COMMD10: variants seen among roughly 807,000 people sequenced by gnomAD.
COMMD10 encodes the protein COMM domain containing 10.
In COMMD10, 33 loss-of-function variants were observed where a neutral mutation model predicts 28.9. The ratio of observed to expected loss-of-function variants is 1.14; its 90% confidence interval spans 0.87 to 1.53. COMMD10 has a LOEUF of 1.53. Among genes scored for constraint, COMMD10 ranks in the 40% most tolerant of loss-of-function variants. The pLI, the probability that COMMD10 is intolerant of heterozygous loss-of-function variation, is 0.00. For synonymous variants in COMMD10, 110 were observed against 81.7 expected (o/e 1.35, Z -1.87); for missense variants, 310 against 233.4 (o/e 1.33, Z -2.14).
At chr5:116,094,539 G>A (rs915150070) in intron 4 of COMMD10, among the ~76,000 whole-genome samples, 2 of 152,112 alleles carry the variant, frequency 1.3e-5, no homozygotes, top group African/African-American at 4.8e-5. Context: ...GTGAGGATGT[G>A]GAGAAAAGGG....
At chr5:116,131,750 C>T (rs1224105093) in intron 4 of COMMD10, among the ~76,000 whole-genome samples, 1 of 151,744 alleles carries the variant, frequency 6.6e-6, no homozygotes. Context: ...ATACACTGAT[C>T]TAAATGTTAA....
intron 5 of COMMD10, among the ~76,000 whole-genome samples, chr5:116,231,685 T>C (rs1401426855): frequency 1.3e-5 from 2 of 152,174 alleles, no homozygotes; most frequent in Non-Finnish European, 2.9e-5. Context: ...TTTAGTATGA[T>C]AGCTAAAATG....
intron 5 of COMMD10, among the ~76,000 whole-genome samples, chr5:116,247,261 C>A (rs1051678356): frequency 2.0e-5 from 3 of 151,940 alleles, no homozygotes; most frequent in African/African-American, 7.2e-5. Context: ...CAAATCAGAA[C>A]CACAATGAGA....
chr5:116,224,762 T>C (rs1373889233), intron 5 of COMMD10, among the ~76,000 whole-genome samples: 1 of 152,160 alleles, frequency 6.6e-6, no homozygotes, highest in African/African-American at 2.4e-5. Flanking sequence ...TCAAACCGTA[T>C]CACCCGGGAT....
At chr5:116,218,616 T>A (rs914540384) in intron 5 of COMMD10, among the ~76,000 whole-genome samples, 5 of 152,116 alleles carry the variant, frequency 3.3e-5, no homozygotes, top group Non-Finnish European at 7.4e-5. Flanking sequence ...GGGGTAGTGG[T>A]AAGAGCTTCC....
intron 5 of COMMD10, among the ~76,000 whole-genome samples, chr5:116,137,775 T>C (rs1055019039): frequency 1.3e-5 from 2 of 152,042 alleles, no homozygotes; most frequent in Non-Finnish European, 2.9e-5. Flanking sequence ...AGAACACTTC[T>C]GTCTCGAGGC....
intron 5 of COMMD10, among the ~76,000 whole-genome samples, chr5:116,184,429 T>C (rs1361920846): frequency 6.6e-6 from 1 of 152,058 alleles, no homozygotes; most frequent in African/African-American, 2.4e-5. Context: ...TTTCTTCAAA[T>C]ATTTGTTTCC....
intron 5 of COMMD10, among the ~76,000 whole-genome samples, chr5:116,289,102 G>A (rs955998426): frequency 6.6e-6 from 1 of 151,286 alleles, no homozygotes; most frequent in Non-Finnish European, 1.5e-5. Context: ...TGCTGGTCTC[G>A]AACTCCTGAC....
At chr5:116,142,197 T>C (rs1752215705) in intron 5 of COMMD10, among the ~76,000 whole-genome samples, 1 of 151,900 alleles carries the variant, frequency 6.6e-6, no homozygotes, top group African/African-American at 2.4e-5. Flanking sequence ...CACTTAATGC[T>C]GTAACAAATC....
intron 5 of COMMD10, among the ~76,000 whole-genome samples, chr5:116,165,284 G>A (rs913499551): frequency 6.6e-6 from 1 of 152,076 alleles, no homozygotes; most frequent in African/African-American, 2.4e-5. Flanking sequence ...TTCATGCTTT[G>A]CTTGAAACAC....
chr5:116,226,526 T>C (rs1749398899), intron 5 of COMMD10, among the ~76,000 whole-genome samples: 1 of 150,636 alleles, frequency 6.6e-6, no homozygotes, highest in African/African-American at 2.5e-5. Context: ...AGAGTCACTA[T>C]TTTTCACTGC....
chr5:116,218,414 C>G (rs1036804910), intron 5 of COMMD10: 52 of 425,196 alleles, frequency 1.2e-4, no homozygotes, highest in Admixed American at 3.5e-5. Context: ...AAATCAACCA[C>G]TCTTAATAGT....
chr5:116,085,082 G>GGA lies in COMMD10; in HGVS notation c.34_35dup (p.Ser12ArgfsTer5), dbSNP rs1750043388. On this transcript the variant is annotated frameshift_variant, in exon 1 of 7. Coordinates refer to ENST00000274458, the MANE Select transcript of COMMD10 (RefSeq NM_016144.4). LOFTEE classifies it high-confidence loss of function. ...CGGTCCCCGCGGCGCTGATCCTACG[G>GGA]GAGAGCCCCAGGTAGCTGATCCGTT... The GGA allele has an allele frequency of 4.3e-6, 7 of 1,610,426 alleles. No homozygotes were observed. Among genetic ancestry groups the GGA allele is most frequent in the Non-Finnish European group, 5.9e-6 (7 of 1,179,150 alleles).
chr5:116,123,598 A>G (rs1384439102), intron 4 of COMMD10, among the ~76,000 whole-genome samples: 2 of 152,192 alleles, frequency 1.3e-5, no homozygotes, highest in Non-Finnish European at 2.9e-5. Context: ...TGAGTTAGGG[A>G]GGATTCCCTC....
intron 5 of COMMD10, among the ~76,000 whole-genome samples, chr5:116,221,859 A>G (rs1282243370): frequency 6.6e-6 from 1 of 152,144 alleles, no homozygotes; most frequent in Non-Finnish European, 1.5e-5. Context: ...TTTTCTTACC[A>G]GAGAACACAT....
At chr5:116,120,939 T>C (rs1404306257) in intron 4 of COMMD10, among the ~76,000 whole-genome samples, 1 of 152,120 alleles carries the variant, frequency 6.6e-6, no homozygotes, top group African/African-American at 2.4e-5. Context: ...TTTATGTATA[T>C]GTTTTGTATG....
Position 116,208,788 on chromosome 5 carries a change from T to C in COMMD10, c.510+74610T>C, listed in dbSNP as rs182080988. ...GAACGGTTCCCTGTTATTTTATCTT[T>C]TGGATGTAGAGGCATACATACAAAT... On this transcript the variant is annotated intron_variant, in intron 5 of 6. Transcript: ENST00000274458. Among the ~76,000 whole-genome samples the C allele has an allele frequency of 4.1e-4, 62 of 152,290 alleles. 2 individuals carry two copies. Among genetic ancestry groups the C allele is most frequent in the Non-Finnish European group, 1.5e-4 (10 of 68,026 alleles).
chr5:116,245,817 A>C (rs1354627905), intron 5 of COMMD10, among the ~76,000 whole-genome samples: 3 of 151,812 alleles, frequency 2.0e-5, no homozygotes, highest in African/African-American at 7.3e-5. Flanking sequence ...ATAGCAAACT[A>C]GGTATTGAAG....
chr5:116,216,422 A>G (rs1394167926), intron 5 of COMMD10, among the ~76,000 whole-genome samples: 1 of 152,226 alleles, frequency 6.6e-6, no homozygotes, highest in Non-Finnish European at 1.5e-5. Flanking sequence ...AGATAGTTTC[A>G]TAATAGGTTA....
Sources: gnomAD v4.1 joint callset for allele counts (sites outside exome capture counted in the v4.1 genomes callset) on GRCh38, gnomAD v4.1.1 for gene constraint, MANE v1.5 for transcripts, NCBI Gene and HGNC (gene_info 2026-07-23, HGNC 2026-07-21) for gene names.